The following GBE1 variants were observed in gnomAD, a reference collection of about 807,000 sequenced individuals.
GBE1 encodes 1,4-alpha-glucan branching enzyme 1, also known as 1,4-alpha-glucan-branching enzyme.
A neutral mutation model predicts 88.8 loss-of-function variants in GBE1; 70 were observed. The ratio of observed to expected loss-of-function variants is 0.79; its 90% CI spans 0.65 to 0.96. GBE1 has a LOEUF of 0.96. Among genes scored for constraint, GBE1 ranks in the 40% least tolerant of loss-of-function variants. GBE1 has a pLI of 0.00. For synonymous variants in GBE1, 284 were observed against 300.1 expected, an observed-to-expected ratio of 0.95 and a Z score of 0.56; for missense variants, 872 against 871.0, an observed-to-expected ratio of 1.00 and a Z score of -0.01.
intron 14 of GBE1, among the ~76,000 whole-genome samples, chr3:81,500,179 C>T (rs1329216913): frequency 6.6e-6 from 1 of 152,088 alleles, no homozygotes; most frequent in Non-Finnish European, 1.5e-5. Flanking sequence ...AGTAGTGTTG[C>T]CTCCATTTTA....
chr3:81,498,969 G>A (rs1006514895), intron 15 of GBE1, 141 bp downstream of exon 15: 69 of 602,676 alleles, frequency 1.1e-4, no homozygotes, highest in African/African-American at 6.9e-4. Flanking sequence ...CTGGCCAAGC[G>A]TAGTCCCCTC....
At chr3:81,568,285 C>T (rs1196011500) in intron 12 of GBE1, among the ~76,000 whole-genome samples, 1 of 152,058 alleles carries the variant, frequency 6.6e-6, no homozygotes, top group Non-Finnish European at 1.5e-5. Flanking sequence ...GTAGCTGAGA[C>T]TACAGGTGCG....
intron 7 of GBE1, among the ~76,000 whole-genome samples, chr3:81,627,499 G>C (rs1482227271): frequency 6.6e-6 from 1 of 152,026 alleles, no homozygotes; most frequent in African/African-American, 2.4e-5. Flanking sequence ...GAATGGAGGT[G>C]AATAATAACA....
At position 81,597,482 on chromosome 3, in the gene GBE1, A is replaced by T. The variant is rs563675911; in HGVS notation, c.993-3459T>A. ...TCTCAAATATATATATATATCTCAA[A>T]ATATATATATATATATATATATATC... On this transcript the variant is annotated intron_variant, in intron 7 of 15. Transcript: ENST00000429644. Among the ~76,000 whole-genome samples the T allele has an allele frequency of 5.8e-4, 80 of 137,786 alleles. 5 individuals are homozygous for T. The East Asian group carries it at 0.015, about 26-fold the overall frequency. The allele number at this position is 137,786 out of a possible 152,430, so 90.4% of individuals were successfully genotyped here.
chr3:81,577,600 T>C (rs1703665297), intron 12 of GBE1, among the ~76,000 whole-genome samples: 1 of 152,174 alleles, frequency 6.6e-6, no homozygotes, highest in Non-Finnish European at 1.5e-5. Context: ...TTAGATTTAA[T>C]GTGCAAATAC....
intron 14 of GBE1, among the ~76,000 whole-genome samples, chr3:81,509,137 C>A (rs1162569890): frequency 6.6e-6 from 1 of 151,832 alleles, no homozygotes; most frequent in African/African-American, 2.4e-5. Flanking sequence ...CTTGACTTGG[C>A]CTCTTCTTCC....
At chr3:81,695,258 T>C (rs1705574975) in intron 2 of GBE1, among the ~76,000 whole-genome samples, 1 of 152,160 alleles carries the variant, frequency 6.6e-6, no homozygotes, top group South Asian at 2.1e-4. Flanking sequence ...CAAATGACCA[T>C]CTACTGAGGA....
chr3:81,621,191 T>C (rs764997618), intron 7 of GBE1, among the ~76,000 whole-genome samples: 2 of 152,202 alleles, frequency 1.3e-5, no homozygotes, highest in African/African-American at 2.4e-5. Flanking sequence ...AAGCTTACTC[T>C]GCACTTTGGA....
chr3:81,552,689 A>T (rs1373846068), intron 12 of GBE1, among the ~76,000 whole-genome samples: 1 of 152,164 alleles, frequency 6.6e-6, no homozygotes, highest in African/African-American at 2.4e-5. Flanking sequence ...AATGCTAAAG[A>T]CTTATTAGCA....
Position 81,537,071 on chromosome 3 carries a change from C to T in GBE1, c.1643G>A (p.Trp548Ter), listed in dbSNP as rs137852894. Residue 548 changes from tryptophan to a stop codon, truncating the protein, a stop_gained, in exon 13 of 16, where the codon TGG becomes TAG. Transcript: ENST00000429644. LOFTEE classifies it high-confidence loss of function. Reference sequence around the variant, plus strand: ...ATTTCCTTTTCTTGGGAAGTCTAACCATTCAGGATGCCCAAATTCATTACC... The same window carrying T: ...ATTTCCTTTTCTTGGGAAGTCTAACTATTCAGGATGCCCAAATTCATTACC... ...FMGNEFGHPEWLDFPRKGNNE... is the reference protein window; with the variant it reads ...FMGNEFGHPE 2 of 1,545,246 alleles carry T rather than the reference C, an allele frequency of 1.3e-6. No individual in the cohort carries two copies. Among genetic ancestry groups the T allele is most frequent in the South Asian group, 2.6e-5 (2 of 77,176 alleles).
chr3:81,654,951 T>G (rs564982107), intron 3 of GBE1: 12 of 152,294 alleles, frequency 7.9e-5, no homozygotes, highest in African/African-American at 2.6e-4. Flanking sequence ...CACAGAGTAT[T>G]TGCCAGCTGT....
intron 1 of GBE1, among the ~76,000 whole-genome samples, chr3:81,705,950 ATC>A (rs1370268365): frequency 6.6e-6 from 1 of 152,132 alleles, no homozygotes; most frequent in Non-Finnish European, 1.5e-5. Context: ...GAATCTCTAC[ATC>A]TCTCTCCTCT....
chr3:81,761,446 G>C lies in GBE1; in HGVS notation c.72C>G (p.Asp24Glu). ...CCAGGAGTCTGGCCAGTTCGGGCAC[G>C]TCAGCCAGGGCGGCATTGAGCGCCG... is the stretch of plus-strand genomic sequence containing the variant. ...YEAALNAALA[D>E]VPELARLLEI... The change falls in exon 1 of 16, where the codon GAC becomes GAG. Residue 24 changes from aspartate to glutamate, a missense_variant. Physicochemically the swap from Asp to Glu is conservative, Grantham distance 45. Coordinates refer to ENST00000429644, the MANE Select transcript of GBE1 (RefSeq NM_000158.4). 6.2e-7 allele frequency: 1 copy of C among 1,613,658 alleles called. No homozygotes were observed.
intron 14 of GBE1, among the ~76,000 whole-genome samples, chr3:81,527,709 A>G (rs190760337): frequency 0.028 from 4,238 of 152,268 alleles, 85 homozygotes; most frequent in Non-Finnish European, 0.039. Context: ...TTAAAAAGTC[A>G]GGAAACAACA....
chr3:81,504,947 T>G (rs1469103784), intron 14 of GBE1, among the ~76,000 whole-genome samples: 1 of 152,130 alleles, frequency 6.6e-6, no homozygotes, highest in African/African-American at 2.4e-5. Flanking sequence ...AGGTTTCAAA[T>G]TGAGTGACAA....
At chr3:81,729,131 T>C (rs544358847) in intron 1 of GBE1, among the ~76,000 whole-genome samples, 24 of 152,260 alleles carry the variant, frequency 1.6e-4, no homozygotes, top group Middle Eastern at 6.8e-3. Flanking sequence ...ACCCTCAAAA[T>C]GAACTTGCAA....
At chr3:81,725,168 C>A (rs1282363834) in intron 1 of GBE1, among the ~76,000 whole-genome samples, 3 of 152,078 alleles carry the variant, frequency 2.0e-5, no homozygotes, top group Non-Finnish European at 4.4e-5. Flanking sequence ...ATTTTTTATT[C>A]TTCAATAATA....
chr3:81,549,966 C>G (rs890806240), intron 12 of GBE1, among the ~76,000 whole-genome samples: 1 of 151,212 alleles, frequency 6.6e-6, no homozygotes, highest in East Asian at 1.9e-4. Context: ...CTGCTTACTC[C>G]TATAAACCAA....
At chr3:81,527,948 C>G (rs890415440) in intron 14 of GBE1, among the ~76,000 whole-genome samples, 5 of 151,908 alleles carry the variant, frequency 3.3e-5, no homozygotes, top group African/African-American at 7.3e-5. Flanking sequence ...TTCACGATAG[C>G]AAAGACTTGG....
Sources: gnomAD v4.1 joint callset for allele counts (sites outside exome capture counted in the v4.1 genomes callset) on GRCh38, gnomAD v4.1.1 for gene constraint, MANE v1.5 for transcripts, NCBI Gene and HGNC (gene_info 2026-07-23, HGNC 2026-07-21) for gene names.